Variants in PINLYP observed in about 807,000 individuals in gnomAD.
The protein encoded by PINLYP is phospholipase A2 inhibitor and Ly6/PLAUR domain-containing protein.
A neutral mutation model predicts 15.8 loss-of-function variants in PINLYP; 12 were observed. The ratio of observed to expected loss-of-function variants is 0.76; its 90% confidence interval spans 0.49 to 1.23. The LOEUF (loss-of-function observed/expected upper bound fraction) is 1.23. Among genes scored for constraint, PINLYP ranks in the 50% most tolerant of loss-of-function variants. The probability of loss-of-function intolerance (pLI) is 0.00; values close to 1 mark genes in which losing one functional copy is unlikely to be tolerated. For missense variants in PINLYP, 278 were observed against 264.2 expected (o/e 1.05, Z -0.36); for synonymous variants, 93 against 97.7 (o/e 0.95, Z 0.28).
intron 3 of PINLYP, chr19:43,580,469 T>C: frequency 1.1e-6 from 1 of 929,964 alleles, no homozygotes; most frequent in South Asian, 5.0e-5. Flanking sequence ...TGCCTGTTGC[T>C]GGGACCGGGG....
At chr19:43,577,148 C>A in exon 2 of PINLYP, 1 of 1,536,032 alleles carries the variant, frequency 6.5e-7, no homozygotes, top group East Asian at 2.4e-5. Context: ...CCCTCCTCAG[C>A]TTCCTATAAA....
exon 4 of PINLYP, chr19:43,581,242 G>C (rs1972927878): frequency 6.5e-7 from 1 of 1,537,060 alleles, no homozygotes; most frequent in Non-Finnish European, 8.7e-7. Flanking sequence ...ACCTACAAGG[G>C]CTGCATCAGG....
intron 3 of PINLYP, 115 bp from the exon 4 acceptor site, chr19:43,581,097 C>A: frequency 1.8e-6 from 2 of 1,140,758 alleles, no homozygotes; most frequent in African/African-American, 1.6e-5. Context: ...AAGAAAGAGA[C>A]CATCCCAGGA....
exon 3 of PINLYP, chr19:43,578,689 T>A: frequency 6.5e-7 from 1 of 1,535,754 alleles, no homozygotes; most frequent in Non-Finnish European, 8.7e-7. Context: ...GTGCTCCTGG[T>A]CGGGAAGGCT....
intron 3 of PINLYP, 146 bp from the exon 4 acceptor site, chr19:43,581,066 A>T: frequency 3.9e-6 from 4 of 1,024,704 alleles, no homozygotes; most frequent in Non-Finnish European, 5.4e-6. Flanking sequence ...GTCTAAAAAA[A>T]ATAAGAAAAG....
intron 2 of PINLYP, 50 bp downstream of exon 2, chr19:43,577,311 GTCCC>G (rs1480075172): frequency 3.3e-6 from 5 of 1,511,506 alleles, no homozygotes; most frequent in African/African-American, 1.4e-5. Context: ...GAAGAGAGAG[GTCCC>G]AGATTGAGAG....
intron 3 of PINLYP, chr19:43,580,811 G>T (rs915138654): frequency 1.1e-5 from 7 of 635,326 alleles, no homozygotes; most frequent in Non-Finnish European, 1.4e-5. Context: ...GAAAGAGACC[G>T]CCCCGGCCGG....
chr19:43,581,423 C>T, intron 4 of PINLYP, 59 bp downstream of exon 4: 3 of 1,528,602 alleles, frequency 2.0e-6, no homozygotes, highest in Non-Finnish European at 2.6e-6. Context: ...TTGCTGTAGC[C>T]ACTTGCTGGC....
At chr19:43,581,157 G>T (rs1049285921) in intron 3 of PINLYP, 55 bp from the exon 4 acceptor site, 1 of 1,517,658 alleles carries the variant, frequency 6.6e-7, no homozygotes, top group Non-Finnish European at 8.8e-7. Context: ...TGAGGCAGGG[G>T]TTGAAGCCAG....
chr19:43,580,476 G>C lies in PINLYP; in HGVS notation c.188-736G>C, dbSNP rs1042075876. Reference sequence around the variant, plus strand: ...GAGGAGGATGCCTGTTGCTGGGACCGGGGTTCATTGGAAGAGACTACGGGG... The same window carrying C: ...GAGGAGGATGCCTGTTGCTGGGACCCGGGTTCATTGGAAGAGACTACGGGG... On this transcript the variant is annotated intron_variant, in intron 3 of 5. Transcript: ENST00000599207. The C allele has an allele frequency of 1.9e-5, 18 of 958,844 alleles. No individual in the cohort carries two copies. In the South Asian group the frequency reaches 8.2e-4, roughly 44 times the overall value. The allele number at this position is 958,844 out of a possible 1,614,324, so 59.4% of individuals were successfully genotyped here.
At chr19:43,575,721 C>A (rs982703158), upstream of PINLYP, 2 of 379,300 alleles carry the variant, frequency 5.3e-6, no homozygotes, top group Non-Finnish European at 9.5e-6. Context: ...CCACACACAA[C>A]CCCGCTCTAG....
intron 3 of PINLYP, among the ~76,000 whole-genome samples, chr19:43,580,117 GT>G (rs1446142739): frequency 6.6e-6 from 1 of 152,142 alleles, no homozygotes; most frequent in Non-Finnish European, 1.5e-5. Flanking sequence ...GAAAACACTG[GT>G]CGGGAGAGGC....
intron 3 of PINLYP, chr19:43,580,372 A>C: frequency 4.0e-6 from 1 of 249,404 alleles, no homozygotes; most frequent in Non-Finnish European, 6.4e-6. Context: ...CACCTTAAAC[A>C]AGACCTGAAA....
upstream of PINLYP, chr19:43,575,538 G>C (rs771485934): frequency 4.8e-6 from 7 of 1,465,546 alleles, no homozygotes; most frequent in African/African-American, 5.6e-5. Flanking sequence ...GGGAGGGGGC[G>C]GGGTGCGCCC....
At chr19:43,576,976 C>T in intron 1 of PINLYP, 57 bp downstream of exon 1, 1 of 740,860 alleles carries the variant, frequency 1.3e-6, no homozygotes, top group Non-Finnish European at 2.0e-6. Flanking sequence ...GATGGAAGCC[C>T]AGACTCCTGG....
exon 4 of PINLYP, chr19:43,581,332 A>G (rs1459408829): frequency 6.5e-7 from 1 of 1,536,906 alleles, no homozygotes; most frequent in Non-Finnish European, 8.7e-7. Context: ...TTCTGCTGCC[A>G]GAGCGACGGC....
At chr19:43,578,880 G>A (rs1377530262) in intron 3 of PINLYP, 174 bp downstream of exon 3, 2 of 581,372 alleles carry the variant, frequency 3.4e-6, no homozygotes, top group African/African-American at 3.7e-5. Context: ...ACAGAAATAA[G>A]TGGTGTGATA....
At chr19:43,581,081 A>T in intron 3 of PINLYP, 131 bp from the exon 4 acceptor site, 3 of 1,065,526 alleles carry the variant, frequency 2.8e-6, no homozygotes, top group Non-Finnish European at 3.9e-6. Context: ...GAAAAGAAAG[A>T]AAAAAAAGAA....
intron 4 of PINLYP, 24 bp downstream of exon 4, chr19:43,581,388 G>A (rs981771407): frequency 1.2e-5 from 18 of 1,536,076 alleles, no homozygotes; most frequent in Non-Finnish European, 1.6e-5. Context: ...GGTGTGTGGT[G>A]TGTGCTCTGG....
Sources: gnomAD v4.1 joint callset for allele counts (sites outside exome capture counted in the v4.1 genomes callset) on GRCh38, gnomAD v4.1.1 for gene constraint, MANE v1.5 for transcripts, NCBI Gene and HGNC (gene_info 2026-07-23, HGNC 2026-07-21) for gene names.